ATF6: variants seen among roughly 807,000 people sequenced by gnomAD.
ATF6 encodes the protein cyclic AMP-dependent transcription factor ATF-6 alpha.
A neutral mutation model predicts 83.6 loss-of-function variants in ATF6; 53 were observed. That is an observed-to-expected ratio of 0.63 (90% CI 0.51 to 0.80). The LOEUF (loss-of-function observed/expected upper bound fraction) is 0.80. Ranked by LOEUF, ATF6 falls within the 30% of genes least tolerant of loss-of-function variation. The pLI is 0.00. For missense variants in ATF6, 744 were observed against 797.9 expected, an observed-to-expected ratio of 0.93 and a Z score of 0.81; for synonymous variants, 288 against 285.8, an observed-to-expected ratio of 1.01 and a Z score of -0.08.
At chr1:161,861,642 A>G (rs2101837319) in intron 13 of ATF6, among the ~76,000 whole-genome samples, 1 of 152,270 alleles carries the variant, frequency 6.6e-6, no homozygotes, top group South Asian at 2.1e-4. Flanking sequence ...TTGCTAATTC[A>G]CCTACTAAAA....
At chr1:161,918,038 G>A (rs955264938) in intron 15 of ATF6, among the ~76,000 whole-genome samples, 2 of 152,116 alleles carry the variant, frequency 1.3e-5, no homozygotes, top group Admixed American at 1.3e-4. Flanking sequence ...AAAGACAGAT[G>A]TGCAAGGATT....
chr1:161,804,478 TGAA>T (rs1685230012), intron 7 of ATF6, among the ~76,000 whole-genome samples: 1 of 151,970 alleles, frequency 6.6e-6, no homozygotes, highest in Admixed American at 6.6e-5. Context: ...TTCAGTAAAC[TGAA>T]GAAGAGAGGA....
intron 15 of ATF6, among the ~76,000 whole-genome samples, chr1:161,926,226 A>T (rs577260684): frequency 2.4e-4 from 36 of 152,324 alleles, no homozygotes; most frequent in South Asian, 1.2e-3. Flanking sequence ...GTTCATATTT[A>T]AAAAAGGATT....
At chr1:161,829,999 A>C (rs530813073) in intron 9 of ATF6, among the ~76,000 whole-genome samples, 9 of 152,226 alleles carry the variant, frequency 5.9e-5, no homozygotes, top group Non-Finnish European at 1.3e-4. Flanking sequence ...AATTAGGAAA[A>C]GAGGAAGTCA....
intron 7 of ATF6, among the ~76,000 whole-genome samples, chr1:161,818,120 A>G (rs1325717268): frequency 6.7e-6 from 1 of 150,034 alleles, no homozygotes; most frequent in Non-Finnish European, 1.5e-5. Context: ...AAAAAAAAGG[A>G]AATAGATTAC....
intron 15 of ATF6, among the ~76,000 whole-genome samples, chr1:161,950,053 A>T (rs1688831334): frequency 6.6e-6 from 1 of 152,352 alleles, no homozygotes; most frequent in African/African-American, 2.4e-5. Flanking sequence ...AATCATTTTA[A>T]CTTAAGGCAG....
chr1:161,822,672 A>T (rs1257118013), intron 9 of ATF6, among the ~76,000 whole-genome samples: 1 of 152,234 alleles, frequency 6.6e-6, no homozygotes, highest in Non-Finnish European at 1.5e-5. Context: ...ATGATCACAC[A>T]AATAAATGCA....
At chr1:161,778,124 A>G (rs2101723159) in intron 1 of ATF6, 120 bp from the exon 2 acceptor site, 1 of 668,404 alleles carries the variant, frequency 1.5e-6, no homozygotes, top group South Asian at 2.0e-5. Flanking sequence ...ACTGGAGTTT[A>G]TCAATAATAG....
chr1:161,944,659 T>C (rs964936805), intron 15 of ATF6, among the ~76,000 whole-genome samples: 11 of 152,250 alleles, frequency 7.2e-5, no homozygotes, highest in Admixed American at 3.9e-4. Context: ...AAGGATCTCA[T>C]GTGTCTTCTA....
rs1157916734 is a variant in ATF6 at position 161,920,294 on chromosome 1, C to CTCTTTTTTTTTTTTTTTTTTTTTTTTT, written c.1804+7915_1804+7916insCTTTTTTTTTTTTTTTTTTTTTTTTTT. On this transcript the variant is annotated intron_variant, in intron 15 of 15. Transcript: ENST00000367942. ...TAGTTCTCTTTCTCTCTCTCTCTCT[C>CTCTTTTTTTTTTTTTTTTTTTTTTTTT]TTTTTTTTTTTTTTTTTTGAGACAG... 1.3e-4 allele frequency among the ~76,000 whole-genome samples: 7 copies of CTCTTTTTTTTTTTTTTTTTTTTTTTTT among 54,846 alleles called. 1 individual carries two copies. The highest frequency in any genetic ancestry group is 2.2e-4 in the Admixed American group (1 of 4,574). 36.0% of individuals were successfully genotyped at this position (54,846 alleles called of 152,430 possible).
intron 15 of ATF6, among the ~76,000 whole-genome samples, chr1:161,953,268 A>G (rs1197693724): frequency 6.6e-6 from 1 of 152,188 alleles, no homozygotes; most frequent in Admixed American, 6.5e-5. Context: ...GAGATATAAG[A>G]CAGTTGTCAT....
chr1:161,820,504 G>T (rs1685727706), intron 8 of ATF6, among the ~76,000 whole-genome samples: 1 of 152,198 alleles, frequency 6.6e-6, no homozygotes, highest in Non-Finnish European at 1.5e-5. Flanking sequence ...TGTAATTCCA[G>T]CACTTTGGGA....
At chr1:161,878,268 C>A (rs765855718) in intron 14 of ATF6, among the ~76,000 whole-genome samples, 1 of 152,064 alleles carries the variant, frequency 6.6e-6, no homozygotes, top group Non-Finnish European at 1.5e-5. Context: ...TGTTTGCCAC[C>A]ACACCTGACT....
chr1:161,848,374 C>G (rs891578184), intron 10 of ATF6, among the ~76,000 whole-genome samples: 4 of 151,918 alleles, frequency 2.6e-5, no homozygotes, highest in Non-Finnish European at 5.9e-5. Context: ...GATACCTATA[C>G]ATTTTTTTTA....
At chr1:161,806,768 T>C (rs1393427176) in intron 7 of ATF6, among the ~76,000 whole-genome samples, 1 of 152,062 alleles carries the variant, frequency 6.6e-6, no homozygotes, top group Non-Finnish European at 1.5e-5. Flanking sequence ...AGAAGGTAGG[T>C]GCTGGGGGGA....
At chr1:161,791,379 C>G (rs369040920) in intron 4 of ATF6, 29 bp from the exon 5 acceptor site, 2 of 1,583,738 alleles carry the variant, frequency 1.3e-6, no homozygotes, top group African/African-American at 2.7e-5. Flanking sequence ...GGATTATACT[C>G]ATTAATTTTT....
At chr1:161,816,468 C>A (rs1050375423) in intron 7 of ATF6, among the ~76,000 whole-genome samples, 5 of 152,170 alleles carry the variant, frequency 3.3e-5, no homozygotes, top group Admixed American at 1.3e-4. Context: ...GTGATGCAAG[C>A]CTCTCTATTT....
Position 161,912,364 on chromosome 1 carries a change from A to G in ATF6, c.1788A>G (p.Pro596=), listed in dbSNP as rs1295528688. 6.2e-7 allele frequency: 1 copy of G among 1,609,044 alleles called. No individual in the cohort carries two copies. The highest frequency in any genetic ancestry group is 8.5e-7 in the Non-Finnish European group (1 of 1,177,174). ...TTRPKMSIVL[P]AININENVIN... is the part of the protein sequence containing the mutation. The stretch of plus-strand genomic sequence containing the variant: ...GACCAAAAATGTCAATTGTGTTACC[A>G]GCAATAAACATAAATGGTAAGTTGA... Residue 596 remains proline (P), a synonymous_variant, in exon 15 of 16, where the codon CCA becomes CCG. Transcript: ENST00000367942.
At chr1:161,924,287 G>A (rs1357278785) in intron 15 of ATF6, among the ~76,000 whole-genome samples, 3 of 152,096 alleles carry the variant, frequency 2.0e-5, no homozygotes, top group African/African-American at 7.2e-5. Flanking sequence ...GCTGAGGATG[G>A]CCAGTGTCAT....
Sources: gnomAD v4.1 joint callset for allele counts (sites outside exome capture counted in the v4.1 genomes callset) on GRCh38, gnomAD v4.1.1 for gene constraint, MANE v1.5 for transcripts, NCBI Gene and HGNC (gene_info 2026-07-23, HGNC 2026-07-21) for gene names.